KLRG1: variants seen among roughly 807,000 people sequenced by gnomAD.
KLRG1 encodes killer cell lectin-like receptor subfamily G member 1.
In KLRG1, 16 loss-of-function variants were observed where a neutral mutation model predicts 21.8. That is an observed-to-expected ratio of 0.73 (90% CI 0.50 to 1.11). KLRG1 has a LOEUF of 1.11. KLRG1 is among the 50% of genes most tolerant of loss of function. The pLI, the probability that KLRG1 is intolerant of heterozygous loss-of-function variation, is 0.00. For missense variants in KLRG1, 173 were observed against 218.3 expected, an observed-to-expected ratio of 0.79 and a Z score of 1.31; for synonymous variants, 69 against 75.9, an observed-to-expected ratio of 0.91 and a Z score of 0.47.
At chr12:9,026,646 C>T in the KLRG1 span, among the ~76,000 whole-genome samples, 16 of 152,122 alleles carry the variant, frequency 1.1e-4, 1 homozygote, top group South Asian at 2.5e-3. Context: ...TGTTTATATC[C>T]TTTGGCTATT....
chr12:9,101,620 G>A, the KLRG1 span: 1 of 1,613,964 alleles, frequency 6.2e-7, no homozygotes, highest in Non-Finnish European at 8.5e-7. Flanking sequence ...GCCTCTTCGT[G>A]TTCTTCTGAC....
chr12:9,165,438 T>C, the KLRG1 span: 2 of 1,543,648 alleles, frequency 1.3e-6, no homozygotes, highest in Non-Finnish European at 1.8e-6. Context: ...AGAATTAATA[T>C]GCATAAAGCT....
the KLRG1 span, among the ~76,000 whole-genome samples, chr12:9,166,404 A>G: frequency 6.6e-6 from 1 of 152,166 alleles, no homozygotes; most frequent in African/African-American, 2.4e-5. Flanking sequence ...TGGAAATTCT[A>G]TGTATCCTAG....
the KLRG1 span, chr12:9,127,971 C>A: frequency 3.2e-6 from 1 of 312,378 alleles, no homozygotes; most frequent in Non-Finnish European, 6.3e-6. Flanking sequence ...TGACACCCGC[C>A]GCCTGGCTGC....
At chr12:8,975,218 A>G (rs1415176323) in intron 1 of KLRG1, among the ~76,000 whole-genome samples, 5 of 152,044 alleles carry the variant, frequency 3.3e-5, no homozygotes, top group Non-Finnish European at 7.4e-5. Context: ...TATTTTTTGG[A>G]AGAGTTTAAG....
chr12:9,030,327 C>T, the KLRG1 span, among the ~76,000 whole-genome samples: 914 of 152,218 alleles, frequency 6.0e-3, 8 homozygotes, highest in Non-Finnish European at 8.5e-3. Context: ...ATCACTTTAA[C>T]CATTTTCAAG....
chr12:9,072,810 C>T, the KLRG1 span: 1 of 1,614,132 alleles, frequency 6.2e-7, no homozygotes, highest in Non-Finnish European at 8.5e-7. Flanking sequence ...TGCAGCCTTC[C>T]CAGTCCTGGT....
chr12:9,206,833 A>T, the KLRG1 span, among the ~76,000 whole-genome samples: 3 of 152,194 alleles, frequency 2.0e-5, no homozygotes, highest in Admixed American at 2.0e-4. Context: ...GGTCCAATGT[A>T]GTGTAGGAAT....
the KLRG1 span, among the ~76,000 whole-genome samples, chr12:9,086,854 G>T: frequency 6.6e-6 from 1 of 152,178 alleles, no homozygotes; most frequent in Admixed American, 6.5e-5. Flanking sequence ...AATTTTCACT[G>T]TTGGTGATGA....
chr12:8,950,744 T>C (rs1329809016), intron 1 of KLRG1, among the ~76,000 whole-genome samples: 1 of 152,152 alleles, frequency 6.6e-6, no homozygotes, highest in Non-Finnish European at 1.5e-5. Flanking sequence ...GCCCGGCACT[T>C]TTGTAAGTGC....
At chr12:9,196,903 G>C in the KLRG1 span, 1 of 916,868 alleles carries the variant, frequency 1.1e-6, no homozygotes, top group African/African-American at 1.7e-5. Flanking sequence ...TTTTTTGGTG[G>C]GGGATATTTT....
the KLRG1 span, among the ~76,000 whole-genome samples, chr12:9,056,400 G>T: frequency 6.6e-6 from 1 of 152,168 alleles, no homozygotes; most frequent in Admixed American, 6.5e-5. Flanking sequence ...TACTAGGGGG[G>T]ATCACGCGGG....
intron 4 of KLRG1, 87 bp from the exon 5 acceptor site, chr12:9,009,339 A>G: frequency 6.5e-7 from 1 of 1,529,398 alleles, no homozygotes; most frequent in Non-Finnish European, 8.8e-7. Context: ...GGGAGACAGA[A>G]TTTGCTTCAT....
chr12:9,017,784 G>A, the KLRG1 span, among the ~76,000 whole-genome samples: 2 of 152,126 alleles, frequency 1.3e-5, no homozygotes, highest in Non-Finnish European at 2.9e-5. Context: ...ACAAGAGAAA[G>A]GAATGAAGGG....
the KLRG1 span, among the ~76,000 whole-genome samples, chr12:9,170,831 A>G: frequency 2.6e-5 from 4 of 152,078 alleles, no homozygotes; most frequent in East Asian, 5.8e-4. The surrounding 1 kb of genome is among the most constrained non-coding windows in gnomAD (Gnocchi z 4.6). Context: ...GGTTCTAAAG[A>G]CAGAGCTTTG....
downstream of KLRG1, among the ~76,000 whole-genome samples, chr12:9,012,105 C>G (rs1180432839): frequency 6.6e-6 from 1 of 152,180 alleles, no homozygotes; most frequent in East Asian, 1.9e-4. Context: ...AGCCAGTGGA[C>G]TTGGAGGGAA....
the KLRG1 span, chr12:9,113,265 T>C: frequency 7.3e-7 from 1 of 1,378,216 alleles, no homozygotes; most frequent in East Asian, 2.3e-5. Context: ...CCTGCAGTTC[T>C]TACCAACCTC....
chr12:8,964,584 G>A (rs1402447689), intron 1 of KLRG1, among the ~76,000 whole-genome samples: 1 of 151,496 alleles, frequency 6.6e-6, no homozygotes, highest in Non-Finnish European at 1.5e-5. Flanking sequence ...CAATTCCTGG[G>A]TATCCTTGTT....
chr12:9,123,728 A>T, the KLRG1 span, among the ~76,000 whole-genome samples: 4 of 144,074 alleles, frequency 2.8e-5, no homozygotes, highest in Admixed American at 2.7e-4. Context: ...ATACTAATTG[A>T]CTACATTTCT....
Sources: gnomAD v4.1 joint callset for allele counts (sites outside exome capture counted in the v4.1 genomes callset) on GRCh38, gnomAD v4.1.1 for gene constraint, Gnocchi (gnomAD v3.1) non-coding constraint, MANE v1.5 for transcripts, NCBI Gene and HGNC (gene_info 2026-07-23, HGNC 2026-07-21) for gene names.